CNTN3: variants seen among roughly 807,000 people sequenced by gnomAD.
CNTN3 encodes the protein contactin 3.
CNTN3 carries 60 observed loss-of-function variants against 119.1 expected under a neutral mutation model. The observed-to-expected ratio is 0.50, with a 90% CI of 0.41 to 0.62. CNTN3 has a LOEUF of 0.62. Among genes scored for constraint, CNTN3 ranks in the 20% least tolerant of loss-of-function variants. The pLI, the probability that CNTN3 is intolerant of heterozygous loss-of-function variation, is 0.00. For missense variants in CNTN3, 1,101 were observed against 1,242.4 expected (o/e 0.89, Z 1.71); for synonymous variants, 450 against 438.7 (o/e 1.03, Z -0.32).
intron 4 of CNTN3, among the ~76,000 whole-genome samples, chr3:74,478,255 C>T (rs141535849): frequency 4.6e-5 from 7 of 152,034 alleles, no homozygotes; most frequent in African/African-American, 1.7e-4. Context: ...GGGTAGCAGG[C>T]ACATCTGGAA....
intron 1 of CNTN3, among the ~76,000 whole-genome samples, chr3:74,611,146 G>A (rs1269590667): frequency 6.6e-6 from 1 of 152,158 alleles, no homozygotes; most frequent in Non-Finnish European, 1.5e-5. Context: ...GTCTTCAAAT[G>A]CCAATAGGTC....
In CNTN3 at chr3:74,506,750, A is replaced by AAAAC. The variant is rs1553674826; in HGVS notation, c.56-6966_56-6965insGTTT. ...GTCCATTTATCTGAAAAAAAAAAAA[A>AAAAC]AACAACACTTACATTCCCTCTTTCT... On this transcript the variant is annotated intron_variant, in intron 2 of 22. Transcript: ENST00000263665. Among the ~76,000 whole-genome samples the AAAAC allele has an allele frequency of 1.7e-3, 246 of 147,226 alleles. 4 individuals are homozygous for AAAAC. The highest frequency in any genetic ancestry group is 6.0e-3 in the East Asian group (30 of 4,984).
intron 11 of CNTN3, among the ~76,000 whole-genome samples, chr3:74,348,228 G>C (rs1186597354): frequency 7.0e-6 from 1 of 143,856 alleles, no homozygotes; most frequent in Non-Finnish European, 1.5e-5. Flanking sequence ...TGCGGTGATA[G>C]ATATGATATG....
chr3:74,384,082 T>C (rs1704687678), intron 5 of CNTN3, among the ~76,000 whole-genome samples: 1 of 152,216 alleles, frequency 6.6e-6, no homozygotes, highest in Admixed American at 6.5e-5. Flanking sequence ...AATATGATGG[T>C]TCTATTTACA....
chr3:74,560,791 T>C (rs1473622180), intron 1 of CNTN3, among the ~76,000 whole-genome samples: 1 of 151,842 alleles, frequency 6.6e-6, no homozygotes, highest in Non-Finnish European at 1.5e-5. Flanking sequence ...CCAACAATGA[T>C]AGACTGGATT....
rs570605372 is a variant in CNTN3 at position 74,328,902 on chromosome 3, T to C, written c.1668+5833A>G. 1.7e-3 allele frequency among the ~76,000 whole-genome samples: 265 copies of C among 152,286 alleles called. 2 individuals are homozygous for C. Among genetic ancestry groups the C allele is most frequent in the South Asian group, 0.016 (75 of 4,830 alleles). ...TTTGTTTCTGGGTACATTCTCTTAATAGTTATTTCAAGTCAGCTGATGCTT... is the reference window on the plus strand; with the variant it reads ...TTTGTTTCTGGGTACATTCTCTTAACAGTTATTTCAAGTCAGCTGATGCTT... On this transcript the variant is annotated intron_variant, in intron 13 of 22. Transcript: ENST00000263665.
At chr3:74,418,006 T>A (rs150323873) in intron 5 of CNTN3, among the ~76,000 whole-genome samples, 1 of 152,200 alleles carries the variant, frequency 6.6e-6, no homozygotes, top group African/African-American at 2.4e-5. Context: ...CAATTTCTCA[T>A]TAGCCTATCA....
chr3:74,582,056 C>T (rs1704517852), intron 1 of CNTN3, among the ~76,000 whole-genome samples: 1 of 151,938 alleles, frequency 6.6e-6, no homozygotes, highest in Non-Finnish European at 1.5e-5. Context: ...ATGTTAATCT[C>T]AAAACTTAAA....
chr3:74,331,051 T>A (rs966899966), intron 13 of CNTN3, among the ~76,000 whole-genome samples: 10 of 152,254 alleles, frequency 6.6e-5, no homozygotes, highest in Middle Eastern at 3.4e-3. Context: ...AAAATACTTC[T>A]TATAAATTGA....
intron 11 of CNTN3, among the ~76,000 whole-genome samples, chr3:74,346,724 TC>T (rs1703697282): frequency 6.7e-6 from 1 of 148,900 alleles, no homozygotes; most frequent in Non-Finnish European, 1.5e-5. Context: ...TCACTCGACA[TC>T]TCATTTGACA....
intron 4 of CNTN3, among the ~76,000 whole-genome samples, chr3:74,430,717 T>G (rs993797583): frequency 6.6e-6 from 1 of 152,210 alleles, no homozygotes; most frequent in African/African-American, 2.4e-5. Flanking sequence ...CTTTCTTGAC[T>G]GTGTTGGTCA....
At chr3:74,424,642 A>T (rs13095169) in intron 5 of CNTN3, among the ~76,000 whole-genome samples, 1 of 152,024 alleles carries the variant, frequency 6.6e-6, no homozygotes, top group East Asian at 1.9e-4. Context: ...TAAACCAAAA[A>T]GTCAATGAGT....
At chr3:74,328,350 T>C (rs1337224324) in intron 13 of CNTN3, among the ~76,000 whole-genome samples, 6 of 152,220 alleles carry the variant, frequency 3.9e-5, no homozygotes. Flanking sequence ...ATTTATCCTT[T>C]TTGCTTTTAA....
At chr3:74,318,521 G>A (rs1383719609) in intron 13 of CNTN3, among the ~76,000 whole-genome samples, 4 of 152,110 alleles carry the variant, frequency 2.6e-5, no homozygotes, top group Non-Finnish European at 5.9e-5. Context: ...TTTTGGTGTG[G>A]ATGTCCTTTC....
intron 2 of CNTN3, among the ~76,000 whole-genome samples, chr3:74,504,595 C>A (rs559299697): frequency 1.3e-5 from 2 of 152,166 alleles, no homozygotes; most frequent in Non-Finnish European, 2.9e-5. Context: ...AGTATTCGAT[C>A]TTAGAATATT....
At chr3:74,275,018 G>C (rs1461744750) in intron 20 of CNTN3, among the ~76,000 whole-genome samples, 1 of 152,120 alleles carries the variant, frequency 6.6e-6, no homozygotes, top group African/African-American at 2.4e-5. Flanking sequence ...GCTCTGGAAA[G>C]TCTCAGCAAT....
chr3:74,424,141 C>T (rs1701657646), intron 5 of CNTN3, among the ~76,000 whole-genome samples: 1 of 152,064 alleles, frequency 6.6e-6, no homozygotes, highest in African/African-American at 2.4e-5. Context: ...CCTCTTTGTT[C>T]CTGCAAGTGG....
intron 11 of CNTN3, among the ~76,000 whole-genome samples, chr3:74,341,861 T>C (rs1039772721): frequency 1.3e-5 from 2 of 152,160 alleles, no homozygotes; most frequent in Non-Finnish European, 2.9e-5. Flanking sequence ...CTGAAAATAT[T>C]GTTTTTCCCT....
intron 5 of CNTN3, among the ~76,000 whole-genome samples, chr3:74,393,819 T>C (rs2106834273): frequency 6.6e-6 from 1 of 152,318 alleles, no homozygotes; most frequent in South Asian, 2.1e-4. Flanking sequence ...GAACCTGACC[T>C]TTCACTACCC....
Sources: gnomAD v4.1 joint callset for allele counts (sites outside exome capture counted in the v4.1 genomes callset) on GRCh38, gnomAD v4.1.1 for gene constraint, MANE v1.5 for transcripts, NCBI Gene and HGNC (gene_info 2026-07-23, HGNC 2026-07-21) for gene names.